Variants in ARMC9 observed in about 807,000 individuals in gnomAD.
ARMC9 encodes lisH domain-containing protein ARMC9.
A neutral mutation model predicts 107.0 loss-of-function variants in ARMC9; 94 were observed. That is an observed-to-expected ratio of 0.88 (90% CI 0.74 to 1.04). The LOEUF (loss-of-function observed/expected upper bound fraction) is 1.04. Among genes scored for constraint, ARMC9 ranks in the 50% least tolerant of loss-of-function variants. The probability of loss-of-function intolerance (pLI) is 0.00; values close to 1 mark genes in which losing one functional copy is unlikely to be tolerated. For synonymous variants in ARMC9, 380 were observed against 396.9 expected (o/e 0.96, Z 0.51); for missense variants, 942 against 1,030.1 (o/e 0.91, Z 1.17).
chr2:231,223,571 G>A (rs1467307649), intron 6 of ARMC9, among the ~76,000 whole-genome samples: 3 of 152,158 alleles, frequency 2.0e-5, no homozygotes, highest in African/African-American at 7.2e-5. Flanking sequence ...TGGTAAAATT[G>A]GTCACTGTTT....
chr2:231,218,453 G>A (rs998264674), intron 5 of ARMC9, among the ~76,000 whole-genome samples: 1 of 152,132 alleles, frequency 6.6e-6, no homozygotes, highest in African/African-American at 2.4e-5. Flanking sequence ...TGAGACTTCT[G>A]TTCCTAAGTA....
In ARMC9 at chr2:231,376,632, T is replaced by TTGGTCCTG. The variant is rs1315236690; in HGVS notation, c.*5108_*5115dup. 6.6e-6 allele frequency among the ~76,000 whole-genome samples: 1 copy of TTGGTCCTG among 152,236 alleles called. No individual in the cohort carries two copies. Among genetic ancestry groups the TTGGTCCTG allele is most frequent in the African/African-American group, 2.4e-5 (1 of 41,470 alleles). ...CTTCATTAGCAATTTTAATTTTGCC[T>TTGGTCCTG]TGGTCCTGTGGTCCTGTGATCTCGC... On this transcript the variant is annotated 3_prime_UTR_variant, in exon 25 of 25. Coordinates refer to ENST00000611582, the MANE Select transcript of ARMC9 (RefSeq NM_001352754.2).
At chr2:231,274,219 C>G (rs1485548642) in intron 14 of ARMC9, among the ~76,000 whole-genome samples, 1 of 152,082 alleles carries the variant, frequency 6.6e-6, no homozygotes. Flanking sequence ...CCGGGTTCAA[C>G]CAATTCTCCT....
chr2:231,291,540 G>A (rs1214089111), intron 18 of ARMC9, 97 bp downstream of exon 18: 21 of 1,240,232 alleles, frequency 1.7e-5, no homozygotes, highest in African/African-American at 8.9e-5. Flanking sequence ...TTAGGAAGCC[G>A]GGCACGGTGG....
In ARMC9 at chr2:231,277,113, A is replaced by G. The variant is rs573634277; in HGVS notation, c.1474+338A>G. 4.6e-5 allele frequency among the ~76,000 whole-genome samples: 7 copies of G among 152,284 alleles called. No homozygotes were observed. In the South Asian group the frequency reaches 1.2e-3, roughly 27 times the overall value. On this transcript the variant is annotated intron_variant, in intron 15 of 24. Transcript: ENST00000611582. ...CAAAGAAGTGTGTTCCCAAGATACT[A>G]TAGGATTAAGCTGGCCGCAGTAGCA... is the stretch of plus-strand genomic sequence containing the variant.
At chr2:231,332,639 G>A (rs2043818816) in intron 20 of ARMC9, among the ~76,000 whole-genome samples, 1 of 152,118 alleles carries the variant, frequency 6.6e-6, no homozygotes, top group Non-Finnish European at 1.5e-5. Flanking sequence ...TGAGTCAGGA[G>A]GAAGCAGCCA....
At chr2:231,246,959 A>ATTT (rs34751620) in intron 9 of ARMC9, among the ~76,000 whole-genome samples, 1 of 144,646 alleles carries the variant, frequency 6.9e-6, no homozygotes, top group South Asian at 2.2e-4. Context: ...CACTTGGCTA[A>ATTT]TTTTTTTTTT....
intron 21 of ARMC9, among the ~76,000 whole-genome samples, chr2:231,347,275 A>C (rs1367020899): frequency 3.3e-5 from 5 of 152,192 alleles, no homozygotes; most frequent in Non-Finnish European, 5.9e-5. Context: ...CCCCGTCACC[A>C]GCTTCCCTTA....
chr2:231,234,637 C>T (rs1180411079), intron 7 of ARMC9, among the ~76,000 whole-genome samples: 1 of 152,106 alleles, frequency 6.6e-6, no homozygotes, highest in Non-Finnish European at 1.5e-5. Context: ...ACTCTGTTGC[C>T]CAGTTGCCCA....
chr2:231,280,275 T>C (rs1422324927), intron 16 of ARMC9, among the ~76,000 whole-genome samples: 1 of 152,044 alleles, frequency 6.6e-6, no homozygotes, highest in Non-Finnish European at 1.5e-5. Flanking sequence ...GCCAACATGG[T>C]GAAACCCCTT....
intron 20 of ARMC9, among the ~76,000 whole-genome samples, chr2:231,332,249 T>A (rs2043793109): frequency 6.6e-6 from 1 of 152,180 alleles, no homozygotes; most frequent in African/African-American, 2.4e-5. Context: ...GAGGTAGACT[T>A]GGAAGTCCTT....
chr2:231,314,823 T>C (rs904304052), intron 19 of ARMC9, among the ~76,000 whole-genome samples: 1 of 152,244 alleles, frequency 6.6e-6, no homozygotes, highest in Non-Finnish European at 1.5e-5. Flanking sequence ...TTTTAGTTAA[T>C]TTTTGTGTGT....
At chr2:231,224,465 A>G (rs2125337251) in intron 6 of ARMC9, among the ~76,000 whole-genome samples, 1 of 152,370 alleles carries the variant, frequency 6.6e-6, no homozygotes, top group East Asian at 1.9e-4. Flanking sequence ...AAAAATAAGA[A>G]TAAAAAAAGA....
intron 17 of ARMC9, among the ~76,000 whole-genome samples, chr2:231,285,707 A>G (rs2040542080): frequency 6.6e-6 from 1 of 152,086 alleles, no homozygotes; most frequent in Non-Finnish European, 1.5e-5. Flanking sequence ...GATTAAAGAT[A>G]TAAGCCAGGG....
intron 12 of ARMC9, among the ~76,000 whole-genome samples, chr2:231,264,217 C>T (rs193058947): frequency 3.9e-5 from 6 of 152,308 alleles, no homozygotes; most frequent in East Asian, 1.9e-4. Flanking sequence ...TCTCTCTTGT[C>T]GCCCAGGTTG....
intron 16 of ARMC9, among the ~76,000 whole-genome samples, chr2:231,279,490 CTTTTCTTTT>C (rs1371141703): frequency 3.4e-5 from 5 of 148,976 alleles, no homozygotes; most frequent in Admixed American, 6.7e-5. Flanking sequence ...TTCTTTCTTT[CTTTTCTTTT>C]TTTTCTTTTT....
intron 21 of ARMC9, among the ~76,000 whole-genome samples, chr2:231,351,857 A>G (rs1575164147): frequency 6.6e-6 from 1 of 152,088 alleles, no homozygotes; most frequent in Admixed American, 6.5e-5. Flanking sequence ...CCCTCCCTTC[A>G]CCACCAGCAC....
intron 19 of ARMC9, among the ~76,000 whole-genome samples, chr2:231,306,438 G>GA (rs2042038627): frequency 6.6e-6 from 1 of 152,118 alleles, no homozygotes; most frequent in African/African-American, 2.4e-5. Context: ...TGAATCATTT[G>GA]AAGAAGCTAA....
intron 1 of ARMC9, among the ~76,000 whole-genome samples, chr2:231,203,225 C>T (rs1371503449): frequency 6.6e-6 from 1 of 152,178 alleles, no homozygotes; most frequent in African/African-American, 2.4e-5. Flanking sequence ...GCAGCTCAGA[C>T]TTATAGCCAA....
Sources: allele counts gnomAD v4.1 joint callset (sites outside exome capture counted in the v4.1 genomes callset), GRCh38; gene constraint gnomAD v4.1.1; transcripts MANE v1.5; gene names NCBI Gene and HGNC (gene_info 2026-07-23, HGNC 2026-07-21).